The following CFAP299 variants were observed in gnomAD, a reference collection of about 807,000 sequenced individuals.
CFAP299 encodes cilia and flagella associated protein 299.
Under a neutral mutation model 27.0 loss-of-function variants are expected in CFAP299, and 21 were observed. The ratio of observed to expected loss-of-function variants is 0.78; its 90% confidence interval spans 0.55 to 1.12. The LOEUF (loss-of-function observed/expected upper bound fraction) is 1.12. Ranked by LOEUF, CFAP299 falls within the 50% of genes most tolerant of loss-of-function variation. The probability of loss-of-function intolerance (pLI) is 0.00; values close to 1 mark genes in which losing one functional copy is unlikely to be tolerated. For synonymous variants in CFAP299, 104 were observed against 98.1 expected, an observed-to-expected ratio of 1.06 and a Z score of -0.36; for missense variants, 310 against 276.6, an observed-to-expected ratio of 1.12 and a Z score of -0.86.
chr4:80,520,076 C>T (rs1732830721), intron 2 of CFAP299, among the ~76,000 whole-genome samples: 1 of 152,118 alleles, frequency 6.6e-6, no homozygotes, highest in Non-Finnish European at 1.5e-5. Flanking sequence ...TGGAGTTTCA[C>T]TTGGAGACAG....
chr4:80,861,376 G>T (rs1388279859), intron 3 of CFAP299, among the ~76,000 whole-genome samples: 2 of 152,176 alleles, frequency 1.3e-5, no homozygotes, highest in Non-Finnish European at 2.9e-5. Flanking sequence ...GTGAGGCAAT[G>T]CCTCACCCTG....
intron 2 of CFAP299, among the ~76,000 whole-genome samples, chr4:80,403,918 T>C (rs1726287694): frequency 6.6e-6 from 1 of 152,198 alleles, no homozygotes; most frequent in Non-Finnish European, 1.5e-5. Context: ...AGTTTTTATA[T>C]GTATTATGAA....
At chr4:80,651,355 T>C (rs1256792835) in intron 3 of CFAP299, among the ~76,000 whole-genome samples, 1 of 147,190 alleles carries the variant, frequency 6.8e-6, no homozygotes, top group African/African-American at 2.6e-5. Flanking sequence ...TTCTTCTTTC[T>C]TTCTTCTTCT....
chr4:80,741,089 C>T (rs1278905583), intron 3 of CFAP299, among the ~76,000 whole-genome samples: 1 of 152,150 alleles, frequency 6.6e-6, no homozygotes, highest in Non-Finnish European at 1.5e-5. Context: ...TTACTTTTCC[C>T]TCTGCTTTTT....
rs528953423 is a variant in CFAP299 at position 80,441,699 on chromosome 4, A to G, written c.242+78815A>G. Among the ~76,000 whole-genome samples, 9 of 152,344 alleles carry G rather than the reference A, an allele frequency of 5.9e-5. No individual in the cohort carries two copies. The South Asian group carries it at 1.7e-3, about 28-fold the overall frequency. On this transcript the variant is annotated intron_variant, in intron 2 of 5. Transcript: ENST00000358105. ...CATAATGACAGGGTTAAATTCACAC[A>G]TAATAATATTAACCTTAAATGTAAA... is the stretch of plus-strand genomic sequence containing the variant.
intron 2 of CFAP299, among the ~76,000 whole-genome samples, chr4:80,437,483 A>G (rs1157316582): frequency 6.6e-6 from 1 of 152,136 alleles, no homozygotes; most frequent in Non-Finnish European, 1.5e-5. Flanking sequence ...CAGTTTCCAT[A>G]AGGGAACACG....
chr4:80,840,417 A>G (rs973856535), intron 3 of CFAP299, among the ~76,000 whole-genome samples: 2 of 152,228 alleles, frequency 1.3e-5, no homozygotes, highest in East Asian at 3.9e-4. Context: ...TTAAAGGTAA[A>G]TGTTACCGGG....
chr4:80,369,708 C>G (rs985975767), intron 2 of CFAP299, among the ~76,000 whole-genome samples: 2 of 152,178 alleles, frequency 1.3e-5, no homozygotes, highest in Non-Finnish European at 2.9e-5. Context: ...CCCAAGGTGC[C>G]TAAGTGGCAG....
chr4:80,804,218 T>C (rs1728751601), intron 3 of CFAP299, among the ~76,000 whole-genome samples: 1 of 152,118 alleles, frequency 6.6e-6, no homozygotes, highest in Admixed American at 6.6e-5. Flanking sequence ...ACCATCACCA[T>C]CCATCTACGT....
At chr4:80,466,222 T>C (rs900776614) in intron 2 of CFAP299, among the ~76,000 whole-genome samples, 3 of 152,204 alleles carry the variant, frequency 2.0e-5, no homozygotes, top group Non-Finnish European at 4.4e-5. Context: ...TCTACTTAAA[T>C]GTAAAAAATG....
At chr4:80,884,978 A>T (rs2110180071) in intron 4 of CFAP299, among the ~76,000 whole-genome samples, 1 of 152,334 alleles carries the variant, frequency 6.6e-6, no homozygotes, top group Admixed American at 6.5e-5. Flanking sequence ...AGACAGTCTT[A>T]ATTGCCACCA....
At chr4:80,646,509 A>T (rs1740016666) in intron 3 of CFAP299, among the ~76,000 whole-genome samples, 1 of 152,202 alleles carries the variant, frequency 6.6e-6, no homozygotes, top group Non-Finnish European at 1.5e-5. Context: ...TTTCATGTTT[A>T]TAAATTCTGT....
chr4:80,847,730 T>C (rs1488525166), intron 3 of CFAP299, among the ~76,000 whole-genome samples: 1 of 152,206 alleles, frequency 6.6e-6, no homozygotes, highest in Non-Finnish European at 1.5e-5. Flanking sequence ...TTCTGGCATA[T>C]AGTAAACACT....
chr4:80,625,940 G>T (rs1738870364), intron 3 of CFAP299, among the ~76,000 whole-genome samples: 1 of 151,704 alleles, frequency 6.6e-6, no homozygotes, highest in South Asian at 2.1e-4. Flanking sequence ...ATAAATTTAG[G>T]GGAGTTAAAC....
At chr4:80,784,083 G>A (rs1046565663) in intron 3 of CFAP299, among the ~76,000 whole-genome samples, 2 of 152,010 alleles carry the variant, frequency 1.3e-5, no homozygotes, top group African/African-American at 4.8e-5. Context: ...TTTTTTTAGA[G>A]GCTAAATAAT....
intron 2 of CFAP299, among the ~76,000 whole-genome samples, chr4:80,464,985 T>C (rs1729633974): frequency 6.6e-6 from 1 of 152,164 alleles, no homozygotes. Flanking sequence ...TAATTCCAGT[T>C]AAAATTAACT....
chr4:80,769,131 C>A (rs1043959576), intron 3 of CFAP299, among the ~76,000 whole-genome samples: 1 of 152,060 alleles, frequency 6.6e-6, no homozygotes, highest in African/African-American at 2.4e-5. Flanking sequence ...AAAATAAGGG[C>A]TTTATACTTT....
At chr4:80,461,432 A>G (rs548296105) in intron 2 of CFAP299, among the ~76,000 whole-genome samples, 10 of 152,224 alleles carry the variant, frequency 6.6e-5, no homozygotes, top group African/African-American at 2.4e-4. Context: ...TTTGGGCAAA[A>G]TATATTGGGG....
chr4:80,665,889 C>T (rs932898823), intron 3 of CFAP299, among the ~76,000 whole-genome samples: 3 of 152,036 alleles, frequency 2.0e-5, no homozygotes, highest in Non-Finnish European at 4.4e-5. Context: ...TTCTCTCTCC[C>T]CCTTGGTCCT....
Sources: allele counts gnomAD v4.1 joint callset (sites outside exome capture counted in the v4.1 genomes callset), GRCh38; gene constraint gnomAD v4.1.1; transcripts MANE v1.5; gene names NCBI Gene and HGNC (gene_info 2026-07-23, HGNC 2026-07-21).